FAM120A: variants seen among roughly 807,000 people sequenced by gnomAD.
FAM120A encodes constitutive coactivator of PPAR-gamma-like protein 1.
Under a neutral mutation model 109.7 loss-of-function variants are expected in FAM120A, and 15 were observed. The ratio of observed to expected loss-of-function variants is 0.14; its 90% CI spans 0.09 to 0.21. The LOEUF (loss-of-function observed/expected upper bound fraction) is 0.21, where lower values mean the gene tolerates loss of function less well. Ranked by LOEUF, FAM120A falls within the 10% of genes least tolerant of loss-of-function variation. The probability of loss-of-function intolerance (pLI) is 1.00; values close to 1 mark genes in which losing one functional copy is unlikely to be tolerated. For synonymous variants in FAM120A, 493 were observed against 572.8 expected (o/e 0.86, Z 1.99); for missense variants, 899 against 1,439.3 (o/e 0.62, Z 6.07).
rs1052937568 is a variant in FAM120A at position 93,493,990 on chromosome 9, G to A, written c.805-3481G>A. Among the ~76,000 whole-genome samples, 8 of 152,206 alleles carry A rather than the reference G, an allele frequency of 5.3e-5. No individual in the cohort carries two copies. The South Asian group carries it at 6.2e-4, about 12-fold the overall frequency. On this transcript the variant is annotated intron_variant, in intron 3 of 17. Transcript: ENST00000277165. Reference sequence around the variant, plus strand: ...AAGTGTCTTCCTTCAATTCCTAGCGGTTGCAGGTCTGACACATGCGGTTTA... The same window carrying A: ...AAGTGTCTTCCTTCAATTCCTAGCGATTGCAGGTCTGACACATGCGGTTTA...
intron 5 of FAM120A, among the ~76,000 whole-genome samples, chr9:93,514,415 A>T (rs1378000211): frequency 6.6e-6 from 1 of 152,192 alleles, no homozygotes; most frequent in African/African-American, 2.4e-5. Context: ...TAAAGAGGGA[A>T]ATTGGAGTCA....
At chr9:93,506,026 A>G (rs7854349) in intron 5 of FAM120A, among the ~76,000 whole-genome samples, 16,261 of 152,116 alleles carry the variant, frequency 0.11, 1,807 homozygotes, top group African/African-American at 0.28. Context: ...TTCTGGGCTC[A>G]GTTCTGTTGA....
rs1003319997 is a variant in FAM120A, at chr9:93,494,064, C to T, written c.805-3407C>T. 2.0e-5 allele frequency among the ~76,000 whole-genome samples: 3 copies of T among 152,184 alleles called. 1 individual carries two copies. Among genetic ancestry groups the T allele is most frequent in the Admixed American group, 2.0e-4 (3 of 15,288 alleles). ...CTCTGATCGAGGTCCAGGCAGTAGG[C>T]GTCCTCCTGTGTGGACTCCTACTGA... On this transcript the variant is annotated intron_variant, in intron 3 of 17. Coordinates refer to ENST00000277165, the MANE Select transcript of FAM120A (RefSeq NM_014612.5).
Position 93,487,928 on chromosome 9 carries a change from A to C in FAM120A, c.805-9543A>C, listed in dbSNP as rs543290380. Among the ~76,000 whole-genome samples the C allele has an allele frequency of 7.0e-4, 107 of 151,932 alleles. 3 individuals are homozygous for C. In the South Asian group the frequency reaches 0.021, roughly 30 times the overall value. On this transcript the variant is annotated intron_variant, in intron 3 of 17. Transcript: ENST00000277165. The stretch of plus-strand genomic sequence containing the variant: ...TCCTTCCCAGTTACTGTGAACATTC[A>C]TCACTCTCTCCTGGGCCTCTGCTCT...
At chr9:93,463,884 A>G (rs1395399234) in intron 1 of FAM120A, among the ~76,000 whole-genome samples, 1 of 152,248 alleles carries the variant, frequency 6.6e-6, no homozygotes, top group African/African-American at 2.4e-5. Context: ...CTTTTTACAT[A>G]GCTTCCTTAA....
chr9:93,514,698 C>G (rs1281765992), intron 5 of FAM120A, among the ~76,000 whole-genome samples: 1 of 152,202 alleles, frequency 6.6e-6, no homozygotes, highest in Non-Finnish European at 1.5e-5. Context: ...CTCCTGCTTC[C>G]TGCATATCAT....
At chr9:93,525,856 G>A (rs909518722) in intron 7 of FAM120A, among the ~76,000 whole-genome samples, 12 of 152,242 alleles carry the variant, frequency 7.9e-5, no homozygotes, top group Non-Finnish European at 1.3e-4. Context: ...CATGAAGACC[G>A]GGAAACCTGA....
chr9:93,473,052 T>A (rs1412034834), intron 2 of FAM120A, among the ~76,000 whole-genome samples: 1 of 152,002 alleles, frequency 6.6e-6, no homozygotes, highest in Non-Finnish European at 1.5e-5. Context: ...GAGTCTTGCT[T>A]TGTTGCCCAG....
At position 93,498,086 on chromosome 9, in the gene FAM120A, T is replaced by A. The variant is rs1383020527; in HGVS notation, c.933+487T>A. The stretch of plus-strand genomic sequence containing the variant: ...AATAGGCAAGGCTCTGTGAAACTCC[T>A]GCTGTGTCTCTAGAGAGCTGAAATG... On this transcript the variant is annotated intron_variant, in intron 4 of 17. Coordinates refer to ENST00000277165, the MANE Select transcript of FAM120A (RefSeq NM_014612.5). The surrounding 1 kb of genome is among the most constrained non-coding windows in gnomAD (Gnocchi z 4.4). Among the ~76,000 whole-genome samples, 1 of 152,200 alleles carries A rather than the reference T, an allele frequency of 6.6e-6. No individual in the cohort carries two copies. Among genetic ancestry groups the A allele is most frequent in the African/African-American group, 2.4e-5 (1 of 41,458 alleles).
chr9:93,491,645 C>G (rs1859325867), intron 3 of FAM120A, among the ~76,000 whole-genome samples: 1 of 152,022 alleles, frequency 6.6e-6, no homozygotes, highest in South Asian at 2.1e-4. Context: ...TTTTCTTGAC[C>G]TACAAAGCAG....
At chr9:93,525,629 T>C (rs1861043672) in intron 7 of FAM120A, among the ~76,000 whole-genome samples, 2 of 152,232 alleles carry the variant, frequency 1.3e-5, no homozygotes, top group African/African-American at 4.8e-5. Context: ...TGCTGACTCA[T>C]GCATCTCTAT....
intron 7 of FAM120A, among the ~76,000 whole-genome samples, chr9:93,523,053 T>C (rs1860910218): frequency 6.6e-6 from 1 of 152,240 alleles, no homozygotes; most frequent in African/African-American, 2.4e-5. Flanking sequence ...CTGAGTTGTT[T>C]GTGTATTAAA....
chr9:93,504,428 T>G (rs1215321270), intron 5 of FAM120A, among the ~76,000 whole-genome samples: 2 of 152,238 alleles, frequency 1.3e-5, no homozygotes, highest in Non-Finnish European at 2.9e-5. Flanking sequence ...CTTATATGTC[T>G]TCGCTGGTTG....
At chr9:93,463,688 T>C (rs1319156116) in intron 1 of FAM120A, among the ~76,000 whole-genome samples, 1 of 152,222 alleles carries the variant, frequency 6.6e-6, no homozygotes, top group East Asian at 1.9e-4. Context: ...TATACGCTCT[T>C]ATGTCAGGTT....
intron 7 of FAM120A, among the ~76,000 whole-genome samples, chr9:93,524,991 A>G (rs1210207699): frequency 6.6e-6 from 1 of 152,068 alleles, no homozygotes; most frequent in African/African-American, 2.4e-5. Context: ...ATATAGAAGT[A>G]TTCTAAAATG....
At chr9:93,470,949 C>T (rs1186783882) in intron 1 of FAM120A, among the ~76,000 whole-genome samples, 192 bp from the exon 2 acceptor site, 1 of 152,134 alleles carries the variant, frequency 6.6e-6, no homozygotes, top group Non-Finnish European at 1.5e-5. Context: ...GATTTAAATG[C>T]GATTTCCCAC....
At chr9:93,542,155 C>G (rs933156321) in intron 10 of FAM120A, among the ~76,000 whole-genome samples, 8 of 152,200 alleles carry the variant, frequency 5.3e-5, no homozygotes, top group African/African-American at 1.9e-4. Flanking sequence ...GGTCTCCGTA[C>G]AGACACTGGC....
At chr9:93,560,719 T>C (rs1318660772) in intron 15 of FAM120A, among the ~76,000 whole-genome samples, 1 of 152,272 alleles carries the variant, frequency 6.6e-6, no homozygotes, top group East Asian at 1.9e-4. Context: ...GCTAGATTTA[T>C]TGATTCTATG....
chr9:93,541,816 A>G (rs995999591), intron 10 of FAM120A, among the ~76,000 whole-genome samples: 5 of 152,208 alleles, frequency 3.3e-5, no homozygotes, highest in African/African-American at 7.2e-5. Flanking sequence ...TCTTGACTCA[A>G]CGTGTTCCTA....
Sources: allele counts gnomAD v4.1 joint callset (sites outside exome capture counted in the v4.1 genomes callset), GRCh38; gene constraint gnomAD v4.1.1; non-coding constraint Gnocchi (gnomAD v3.1); transcripts MANE v1.5; gene names NCBI Gene and HGNC (gene_info 2026-07-23, HGNC 2026-07-21).